The following ODAD2 variants were observed in gnomAD, a reference collection of about 807,000 sequenced individuals.
ODAD2 encodes the protein outer dynein arm docking complex subunit 2.
Under a neutral mutation model 106.8 loss-of-function variants are expected in ODAD2, and 89 were observed. That is an observed-to-expected ratio of 0.83 (90% CI 0.70 to 0.99). ODAD2 has a LOEUF of 0.99. Ranked by LOEUF, ODAD2 falls within the 50% of genes least tolerant of loss-of-function variation. ODAD2 has a pLI of 0.00. For synonymous variants in ODAD2, 404 were observed against 436.2 expected (o/e 0.93, Z 0.92); for missense variants, 1,168 against 1,238.5 (o/e 0.94, Z 0.85).
intron 16 of ODAD2, among the ~76,000 whole-genome samples, chr10:27,921,744 A>T (rs1844795681): frequency 6.6e-6 from 1 of 152,218 alleles, no homozygotes; most frequent in South Asian, 2.1e-4. Context: ...CCAAAAAAAA[A>T]AAAATCAAGT....
At position 27,992,041 on chromosome 10, in the gene ODAD2, T is replaced by A. The variant is rs7897948; in HGVS notation, c.224+2878A>T. Among the ~76,000 whole-genome samples, 269 of 152,348 alleles carry A rather than the reference T, an allele frequency of 1.8e-3. 3 individuals carry two copies. The highest frequency in any genetic ancestry group is 6.3e-3 in the African/African-American group (260 of 41,576). On this transcript the variant is annotated intron_variant, in intron 2 of 19. Coordinates refer to ENST00000305242, the MANE Select transcript of ODAD2 (RefSeq NM_018076.5). ...CAAACACTGAGTGGCTATGGGTTAC[T>A]GAACTTTCTTTGGTTTGGGGAGTAG...
chr10:27,925,514 T>C (rs560469960), intron 16 of ODAD2, among the ~76,000 whole-genome samples: 3 of 152,236 alleles, frequency 2.0e-5, no homozygotes, highest in African/African-American at 4.8e-5. Flanking sequence ...CACACTACCA[T>C]GCTCAACTAA....
intron 2 of ODAD2, among the ~76,000 whole-genome samples, chr10:27,993,580 G>A (rs1477357558): frequency 6.6e-6 from 1 of 152,028 alleles, no homozygotes; most frequent in East Asian, 1.9e-4. Context: ...AACCAGAGAG[G>A]TGGAACTTGC....
In ODAD2 at chr10:27,827,379, CTATATATATA is replaced by C. The variant is rs10580710; in HGVS notation, c.3022-14764_3022-14755del. Reference sequence around the variant, plus strand: ...AGACACACACATACACACACACACACTATATATATATATATATATATATATATATATATTC... The same window carrying C: ...AGACACACACATACACACACACACACTATATATATATATATATATATATTC... On this transcript the variant is annotated intron_variant, in intron 19 of 19. Coordinates refer to ENST00000305242, the MANE Select transcript of ODAD2 (RefSeq NM_018076.5). Among the ~76,000 whole-genome samples, 1,096 of 132,188 alleles carry C rather than the reference CTATATATATA, an allele frequency of 8.3e-3. 12 individuals carry two copies. The highest frequency in any genetic ancestry group is 0.01 in the African/African-American group (337 of 33,194). The allele number at this position is 132,188 out of a possible 152,430, so 86.7% of individuals were successfully genotyped here.
At chr10:27,929,646 T>A (rs1043421802) in intron 16 of ODAD2, among the ~76,000 whole-genome samples, 1 of 152,188 alleles carries the variant, frequency 6.6e-6, no homozygotes, top group Non-Finnish European at 1.5e-5. Context: ...TCACCAATCC[T>A]GTATGCTTAC....
In ODAD2 at chr10:27,878,550, A is replaced by G. The variant is rs573548047; in HGVS notation, c.2611-15928T>C. On this transcript the variant is annotated intron_variant, in intron 17 of 19. Transcript: ENST00000305242. ...CTCAAGACAAAAATTTTTAACCAGAAGAGCTATAAAAACACCACTCTGGGC... is the reference window on the plus strand; with the variant it reads ...CTCAAGACAAAAATTTTTAACCAGAGGAGCTATAAAAACACCACTCTGGGC... Among the ~76,000 whole-genome samples the G allele has an allele frequency of 6.0e-4, 92 of 152,314 alleles. 1 individual carries two copies. The highest frequency in any genetic ancestry group is 1.0e-3 in the Non-Finnish European group (68 of 68,008).
chr10:27,895,621 A>G (rs182724910), intron 17 of ODAD2, among the ~76,000 whole-genome samples: 190 of 152,292 alleles, frequency 1.2e-3, no homozygotes, highest in African/African-American at 4.1e-3. Flanking sequence ...ATAACTCAAA[A>G]TTCAGTTATT....
chr10:27,960,491 C>T (rs1324450148), intron 10 of ODAD2, among the ~76,000 whole-genome samples: 5 of 151,580 alleles, frequency 3.3e-5, no homozygotes, highest in Non-Finnish European at 5.9e-5. Flanking sequence ...GGATTACAGG[C>T]GTGTGCCACC....
intron 19 of ODAD2, among the ~76,000 whole-genome samples, chr10:27,821,766 CTA>C (rs977359912): frequency 1.3e-5 from 2 of 152,104 alleles, no homozygotes; most frequent in Non-Finnish European, 2.9e-5. Context: ...TTTTTGGTAT[CTA>C]TTTTTTTATC....
chr10:27,971,067 A>G (rs1588636180), intron 8 of ODAD2, 41 bp downstream of exon 8: 1 of 1,320,072 alleles, frequency 7.6e-7, no homozygotes, highest in Non-Finnish European at 1.1e-6. Context: ...GAGTATGGTT[A>G]CTAATGCTGC....
intron 17 of ODAD2, among the ~76,000 whole-genome samples, chr10:27,896,176 T>C (rs1290996009): frequency 6.6e-6 from 1 of 152,226 alleles, no homozygotes; most frequent in Non-Finnish European, 1.5e-5. Context: ...ATTTACTTTC[T>C]GATATTATAC....
At chr10:27,972,263 T>C (rs1289313630) in intron 7 of ODAD2, among the ~76,000 whole-genome samples, 1 of 152,118 alleles carries the variant, frequency 6.6e-6, no homozygotes, top group Non-Finnish European at 1.5e-5. Flanking sequence ...AGAGGGCAGC[T>C]AAGAAACTTT....
At position 27,996,161 on chromosome 10, in the gene ODAD2, T is replaced by C. The variant is rs141047706; in HGVS notation, c.-38-981A>G. Among the ~76,000 whole-genome samples, 320 of 152,346 alleles carry C rather than the reference T, an allele frequency of 2.1e-3. 2 individuals carry two copies. The highest frequency in any genetic ancestry group is 7.4e-3 in the African/African-American group (307 of 41,590). ...TTTTTTGGCAGATAATCTATACTTGTTTCTTTTCTCTTTTGTATAGCACTT... is the reference window on the plus strand; with the variant it reads ...TTTTTTGGCAGATAATCTATACTTGCTTCTTTTCTCTTTTGTATAGCACTT... On this transcript the variant is annotated intron_variant, in intron 1 of 19. Coordinates refer to ENST00000305242, the MANE Select transcript of ODAD2 (RefSeq NM_018076.5).
At chr10:27,924,034 AAGAAAGAAGGAAAG>A (rs1251343782) in intron 16 of ODAD2, among the ~76,000 whole-genome samples, 8 of 146,538 alleles carry the variant, frequency 5.5e-5, no homozygotes, top group African/African-American at 2.1e-4. Context: ...AGGAAAGAGA[AAGAAAGAAGGAAAG>A]AGAAAGAAAG....
chr10:27,999,225 T>A (rs1458977857), upstream of ODAD2, among the ~76,000 whole-genome samples: 1 of 152,168 alleles, frequency 6.6e-6, no homozygotes, highest in Non-Finnish European at 1.5e-5. Flanking sequence ...GTGGGAAAGG[T>A]TGACTTTGAC....
chr10:27,988,360 CA>C (rs1240237936), intron 2 of ODAD2, among the ~76,000 whole-genome samples: 1 of 131,940 alleles, frequency 7.6e-6, no homozygotes, highest in East Asian at 2.3e-4. Context: ...TTTTTTGAGA[CA>C]GAGTATCCCT....
intron 19 of ODAD2, among the ~76,000 whole-genome samples, chr10:27,813,877 G>C (rs1835925997): frequency 6.6e-6 from 1 of 152,302 alleles, no homozygotes; most frequent in African/African-American, 2.4e-5. Context: ...GGAATAAAAG[G>C]TAAGGATAGT....
intron 10 of ODAD2, among the ~76,000 whole-genome samples, chr10:27,952,381 C>CT (rs1278333097): frequency 6.6e-6 from 1 of 151,648 alleles, no homozygotes; most frequent in African/African-American, 2.4e-5. Context: ...ATATTGACAA[C>CT]TTTTTTTATT....
intron 17 of ODAD2, among the ~76,000 whole-genome samples, chr10:27,875,758 C>G (rs934425735): frequency 6.6e-6 from 1 of 152,142 alleles, no homozygotes; most frequent in South Asian, 2.1e-4. Flanking sequence ...ATTGCCTCAC[C>G]CAGGAAGCAC....
Sources: allele counts gnomAD v4.1 joint callset (sites outside exome capture counted in the v4.1 genomes callset), GRCh38; gene constraint gnomAD v4.1.1; transcripts MANE v1.5; gene names NCBI Gene and HGNC (gene_info 2026-07-23, HGNC 2026-07-21).